Variants in BCAS3 observed in about 807,000 individuals in gnomAD.
The protein encoded by BCAS3 is BCAS4/BCAS3 fusion.
In BCAS3, 53 loss-of-function variants were observed where a neutral mutation model predicts 116.1. That is an observed-to-expected ratio of 0.46 (90% CI 0.37 to 0.57). The LOEUF (loss-of-function observed/expected upper bound fraction) is 0.57, where lower values mean the gene tolerates loss of function less well. Among genes scored for constraint, BCAS3 ranks in the 20% least tolerant of loss-of-function variants. The pLI, the probability that BCAS3 is intolerant of heterozygous loss-of-function variation, is 0.00. For missense variants in BCAS3, 917 were observed against 1,165.4 expected (o/e 0.79, Z 3.10); for synonymous variants, 391 against 408.2 (o/e 0.96, Z 0.51).
rs2054660255 is a variant in BCAS3, at chr17:61,315,579, G to C, written c.2426-52748G>C. 6.6e-6 allele frequency among the ~76,000 whole-genome samples: 1 copy of C among 152,196 alleles called. No individual in the cohort carries two copies. Among genetic ancestry groups the C allele is most frequent in the Admixed American group, 6.5e-5 (1 of 15,284 alleles). On this transcript the variant is annotated intron_variant, in intron 22 of 23. Coordinates refer to ENST00000407086, the MANE Select transcript of BCAS3 (RefSeq NM_017679.5). The surrounding 1 kb of genome is among the most constrained non-coding windows in gnomAD (Gnocchi z 5.3). ...CTGGTTAATGGCAAAGCCCAGGTATGGGCCAGTGAACCCCAATGATGCTGG... is the reference window on the plus strand; with the variant it reads ...CTGGTTAATGGCAAAGCCCAGGTATCGGCCAGTGAACCCCAATGATGCTGG...
In BCAS3 at chr17:61,081,205, G is replaced by A. The variant is rs370716744; in HGVS notation, c.2327+2676G>A. Among the ~76,000 whole-genome samples, 180 of 152,242 alleles carry A rather than the reference G, an allele frequency of 1.2e-3. 1 individual carries two copies. The highest frequency in any genetic ancestry group is 3.6e-3 in the African/African-American group (151 of 41,548). ...ACATTTAGTTTTTTTGCTAAACCGT[G>A]CACAAGACACTGTCTCATTTTTTTT... On this transcript the variant is annotated intron_variant, in intron 21 of 23. Coordinates refer to ENST00000407086, the MANE Select transcript of BCAS3 (RefSeq NM_017679.5).
chr17:60,980,876 A>C (rs770106389), intron 14 of BCAS3, among the ~76,000 whole-genome samples: 19 of 151,912 alleles, frequency 1.3e-4, no homozygotes, highest in Non-Finnish European at 2.2e-4. Context: ...AGGTTTTCAC[A>C]CTGCTGGCAT....
chr17:60,870,959 C>G (rs1051498884), intron 8 of BCAS3, among the ~76,000 whole-genome samples: 6 of 152,072 alleles, frequency 3.9e-5, no homozygotes, highest in Non-Finnish European at 8.8e-5. Context: ...TTCTTTCTAG[C>G]ACAAGTTTTG....
chr17:61,167,966 T>C (rs1744337983), intron 22 of BCAS3, among the ~76,000 whole-genome samples: 1 of 152,220 alleles, frequency 6.6e-6, no homozygotes, highest in African/African-American at 2.4e-5. Flanking sequence ...ATTTCGATAT[T>C]TGCTGTAACT....
intron 11 of BCAS3, among the ~76,000 whole-genome samples, chr17:60,904,407 A>T (rs1442981940): frequency 1.1e-5 from 1 of 93,584 alleles, no homozygotes; most frequent in Non-Finnish European, 2.1e-5. Flanking sequence ...CTGTCTCAAA[A>T]CAAACAAACA....
intron 15 of BCAS3, among the ~76,000 whole-genome samples, chr17:61,000,494 C>T (rs2064161951): frequency 2.6e-5 from 4 of 152,046 alleles, no homozygotes; most frequent in Admixed American, 2.0e-4. Context: ...TATTACCAAT[C>T]TTATAGAGTA....
rs1003219154 is a variant in BCAS3, at chr17:61,332,240, A to C, written c.2426-36087A>C. Among the ~76,000 whole-genome samples, 1 of 152,152 alleles carries C rather than the reference A, an allele frequency of 6.6e-6. No homozygotes were observed. Among genetic ancestry groups the C allele is most frequent in the African/African-American group, 2.4e-5 (1 of 41,444 alleles). On this transcript the variant is annotated intron_variant, in intron 22 of 23. Transcript: ENST00000407086. This position sits in a 1 kb window ranked among gnomAD's most constrained non-coding sequence, Gnocchi z 5.4. ...TGAGAAGAAGGCATTCTTAGAACAGATACTGCCTGGTGACCCACCTAAAAC... is the reference window on the plus strand; with the variant it reads ...TGAGAAGAAGGCATTCTTAGAACAGCTACTGCCTGGTGACCCACCTAAAAC...
At chr17:61,252,580 T>TAAA (rs35399806) in intron 22 of BCAS3, among the ~76,000 whole-genome samples, 37 of 145,536 alleles carry the variant, frequency 2.5e-4, no homozygotes, top group African/African-American at 9.1e-4. Context: ...GTGAAGGACT[T>TAAA]AAAAAAAAAA....
In BCAS3 at chr17:61,251,288, G is replaced by A. The variant is rs1396952486; in HGVS notation, c.2426-117039G>A. ...GGATTCCTTGCTGAAAAAAAGACTG[G>A]GCTGGGTGTGGTGGCTCATGCCTGT... On this transcript the variant is annotated intron_variant, in intron 22 of 23. Transcript: ENST00000407086. The surrounding 1 kb of genome is among the most constrained non-coding windows in gnomAD (Gnocchi z 4.7). 6.6e-6 allele frequency among the ~76,000 whole-genome samples: 1 copy of A among 152,174 alleles called. No individual in the cohort carries two copies. The highest frequency in any genetic ancestry group is 2.4e-5 in the African/African-American group (1 of 41,456).
chr17:61,309,396 G>A lies in BCAS3; in HGVS notation c.2426-58931G>A, dbSNP rs564393122. Reference sequence around the variant, plus strand: ...GCATGCCTGAGTACTGAACACTACCGTGTCACTCCCCATGTTGCCATTCTG... The same window carrying A: ...GCATGCCTGAGTACTGAACACTACCATGTCACTCCCCATGTTGCCATTCTG... On this transcript the variant is annotated intron_variant, in intron 22 of 23. Coordinates refer to ENST00000407086, the MANE Select transcript of BCAS3 (RefSeq NM_017679.5). This position sits in a 1 kb window ranked among gnomAD's most constrained non-coding sequence, Gnocchi z 4.6. 5.3e-5 allele frequency among the ~76,000 whole-genome samples: 8 copies of A among 152,122 alleles called. No homozygotes were observed. Among genetic ancestry groups the A allele is most frequent in the East Asian group, 1.9e-4 (1 of 5,168 alleles).
rs372584406 is a variant in BCAS3 at position 60,716,828 on chromosome 17, C to T, written c.321+7503C>T. Among the ~76,000 whole-genome samples the T allele has an allele frequency of 2.6e-5, 4 of 152,092 alleles. No individual in the cohort carries two copies. The East Asian group carries it at 7.7e-4, about 29-fold the overall frequency. ...TTTCCAAATTACATTCTTTTCCAGC[C>T]ATGTCAGTTATACTTACCCCATATA... On this transcript the variant is annotated intron_variant, in intron 5 of 23. Transcript: ENST00000407086.
intron 22 of BCAS3, among the ~76,000 whole-genome samples, chr17:61,091,012 G>A (rs2073515840): frequency 6.6e-6 from 1 of 152,090 alleles, no homozygotes; most frequent in African/African-American, 2.4e-5. Flanking sequence ...TTAACAATGA[G>A]GAAAATTTTA....
rs79382208 is a variant in BCAS3, at chr17:61,123,014, T to C, written c.2425+38450T>C. Among the ~76,000 whole-genome samples the C allele has an allele frequency of 5.1e-3, 778 of 151,662 alleles. 13 individuals are homozygous for C. Among genetic ancestry groups the C allele is most frequent in the Admixed American group, 0.03 (459 of 15,224 alleles). On this transcript the variant is annotated intron_variant, in intron 22 of 23. Transcript: ENST00000407086. ...TGGAGTGCAATGGTGCGATCTTGGC[T>C]CACTGCAACCTCCTCCTCCCTGGTT...
intron 4 of BCAS3, among the ~76,000 whole-genome samples, chr17:60,708,561 T>TG (rs1186610435): frequency 6.6e-6 from 1 of 152,056 alleles, no homozygotes; most frequent in Non-Finnish European, 1.5e-5. Context: ...GACGGAGTCT[T>TG]GCTGTGTCAC....
intron 5 of BCAS3, among the ~76,000 whole-genome samples, chr17:60,744,833 T>C (rs558207046): frequency 3.5e-4 from 54 of 152,196 alleles, no homozygotes; most frequent in African/African-American, 9.9e-4. Flanking sequence ...CATTGCCTTA[T>C]GTGTAAGGAG....
At chr17:60,997,699 T>A (rs2063930861) in intron 15 of BCAS3, among the ~76,000 whole-genome samples, 4 of 152,212 alleles carry the variant, frequency 2.6e-5, no homozygotes, top group Admixed American at 2.6e-4. Flanking sequence ...ACTTTCTCCC[T>A]ACTTCTTCAG....
intron 19 of BCAS3, among the ~76,000 whole-genome samples, chr17:61,071,186 C>G (rs904836196): frequency 1.3e-5 from 2 of 152,046 alleles, no homozygotes; most frequent in African/African-American, 4.8e-5. Flanking sequence ...AATGATAGTA[C>G]CTTTCTATTT....
intron 11 of BCAS3, among the ~76,000 whole-genome samples, chr17:60,908,793 A>T (rs1230319014): frequency 6.6e-6 from 1 of 152,192 alleles, no homozygotes; most frequent in Non-Finnish European, 1.5e-5. Context: ...TTTTATTTGA[A>T]TTCAGCATAT....
rs1232420538 is a variant in BCAS3 at position 61,276,533 on chromosome 17, CAGA to C, written c.2426-91789_2426-91787del. Among the ~76,000 whole-genome samples the C allele has an allele frequency of 6.6e-6, 1 of 152,062 alleles. No homozygotes were observed. The highest frequency in any genetic ancestry group is 1.5e-5 in the Non-Finnish European group (1 of 68,006). On this transcript the variant is annotated intron_variant, in intron 22 of 23. Coordinates refer to ENST00000407086, the MANE Select transcript of BCAS3 (RefSeq NM_017679.5). This position sits in a 1 kb window ranked among gnomAD's most constrained non-coding sequence, Gnocchi z 4.2. ...AACTACAAATCACTGGGAGAAATTACAGAAGAACTAAATAAATGGAAAGATACT... is the reference window on the plus strand; with the variant it reads ...AACTACAAATCACTGGGAGAAATTACAGAACTAAATAAATGGAAAGATACT...
Sources: allele counts gnomAD v4.1 joint callset (sites outside exome capture counted in the v4.1 genomes callset), GRCh38; gene constraint gnomAD v4.1.1; non-coding constraint Gnocchi (gnomAD v3.1); transcripts MANE v1.5; gene names NCBI Gene and HGNC (gene_info 2026-07-23, HGNC 2026-07-21).